Variants in RREB1 observed in about 807,000 individuals in gnomAD.
The protein encoded by RREB1 is ras-responsive element-binding protein 1.
A neutral mutation model predicts 117.8 loss-of-function variants in RREB1; 27 were observed. That is an observed-to-expected ratio of 0.23 (90% CI 0.17 to 0.32). The LOEUF (loss-of-function observed/expected upper bound fraction) is 0.32. Ranked by LOEUF, RREB1 falls within the 10% of genes least tolerant of loss-of-function variation. RREB1 has a pLI of 1.00. For synonymous variants in RREB1, 1,298 were observed against 1,026.7 expected, an observed-to-expected ratio of 1.26 and a Z score of -5.05; for missense variants, 2,577 against 2,378.2, an observed-to-expected ratio of 1.08 and a Z score of -1.74.
In RREB1 at chr6:7,224,615, G is replaced by A. The variant is rs370319352; in HGVS notation, c.708-1852G>A. Among the ~76,000 whole-genome samples, 17 of 152,294 alleles carry A rather than the reference G, an allele frequency of 1.1e-4. No homozygotes were observed. In the East Asian group the frequency reaches 2.9e-3, roughly 26 times the overall value. ...GTCCTCTCTGTGTGCACAGCTCAGA[G>A]CTTGAACGTATTTCAGCCAGAAAGA... On this transcript the variant is annotated intron_variant, in intron 8 of 12. Coordinates refer to ENST00000379938, the MANE Select transcript of RREB1 (RefSeq NM_001003699.4).
At chr6:7,189,657 T>C (rs956323533) in intron 6 of RREB1, among the ~76,000 whole-genome samples, 1 of 152,186 alleles carries the variant, frequency 6.6e-6, no homozygotes, top group African/African-American at 2.4e-5. Flanking sequence ...CACGTAACCC[T>C]GCCATTTAAA....
intron 7 of RREB1, 118 bp from the exon 8 acceptor site, chr6:7,211,455 G>A (rs1363682572): frequency 5.6e-6 from 5 of 886,724 alleles, no homozygotes; most frequent in Non-Finnish European, 9.0e-6. Context: ...AATCAGGATT[G>A]GATAATGCAA....
chr6:7,132,010 CACT>C, intron 1 of RREB1, among the ~76,000 whole-genome samples: 1 of 152,094 alleles, frequency 6.6e-6, no homozygotes, highest in East Asian at 1.9e-4. Flanking sequence ...AGGCACATGC[CACT>C]ACTCCCAGCT....
intron 1 of RREB1, among the ~76,000 whole-genome samples, chr6:7,122,863 G>T (rs1024094712): frequency 2.6e-5 from 4 of 152,016 alleles, no homozygotes; most frequent in African/African-American, 9.7e-5. Context: ...CCAAAATTGG[G>T]GGTGATAATA....
intron 6 of RREB1, among the ~76,000 whole-genome samples, chr6:7,201,174 CCCT>C (rs1165257844): frequency 6.6e-6 from 1 of 152,102 alleles, no homozygotes; most frequent in Non-Finnish European, 1.5e-5. Context: ...CCCACCATGC[CCCT>C]CGTCTGATGC....
At chr6:7,109,824 C>T (rs749826682) in intron 1 of RREB1, among the ~76,000 whole-genome samples, 28 of 152,096 alleles carry the variant, frequency 1.8e-4, no homozygotes, top group Non-Finnish European at 3.7e-4. Flanking sequence ...TTTGAGGATG[C>T]TCCTGCTGCT....
chr6:7,123,998 G>A (rs1360605714), intron 1 of RREB1, among the ~76,000 whole-genome samples: 1 of 152,146 alleles, frequency 6.6e-6, no homozygotes, highest in Non-Finnish European at 1.5e-5. Context: ...GCGGCATTGG[G>A]ATACATGGTA....
intron 10 of RREB1, among the ~76,000 whole-genome samples, chr6:7,239,156 G>C (rs1768525025): frequency 6.6e-6 from 1 of 152,222 alleles, no homozygotes; most frequent in Non-Finnish European, 1.5e-5. Flanking sequence ...TTAATCTAAC[G>C]CCAGAGGCCC....
chr6:7,147,593 A>G (rs1437969383), intron 1 of RREB1, among the ~76,000 whole-genome samples: 1 of 152,180 alleles, frequency 6.6e-6, no homozygotes, highest in Non-Finnish European at 1.5e-5. Context: ...GTGACAGTTA[A>G]TTGTACCATC....
At chr6:7,132,844 T>C (rs1253938725) in intron 1 of RREB1, among the ~76,000 whole-genome samples, 1 of 152,156 alleles carries the variant, frequency 6.6e-6, no homozygotes, top group Admixed American at 6.5e-5. Context: ...TTTGTTGTGG[T>C]TGGAGCTTCT....
intron 10 of RREB1, among the ~76,000 whole-genome samples, chr6:7,234,999 G>A (rs1394937384): frequency 6.6e-6 from 1 of 152,216 alleles, no homozygotes; most frequent in Non-Finnish European, 1.5e-5. Context: ...TGAGATAAGG[G>A]GGGACACCAC....
rs560579839 is a variant in RREB1, at chr6:7,113,303, T to A, written c.-285+5243T>A. Among the ~76,000 whole-genome samples the A allele has an allele frequency of 3.6e-3, 549 of 152,330 alleles. 5 individuals carry two copies. The highest frequency in any genetic ancestry group is 4.7e-3 in the Admixed American group (72 of 15,304). ...GGGGTAATTAGATAAAGCTTTTAAA[T>A]GCTCTATTTGTTTTTCTCTAGTTTG... On this transcript the variant is annotated intron_variant, in intron 1 of 12. Coordinates refer to ENST00000379938, the MANE Select transcript of RREB1 (RefSeq NM_001003699.4).
At chr6:7,237,070 A>G (rs1469773156) in intron 10 of RREB1, among the ~76,000 whole-genome samples, 4 of 151,390 alleles carry the variant, frequency 2.6e-5, no homozygotes, top group East Asian at 1.9e-4. Context: ...CTACAAGTGC[A>G]CATCACCATG....
At chr6:7,168,425 G>GTCT (rs1764060013) in intron 1 of RREB1, among the ~76,000 whole-genome samples, 1 of 152,186 alleles carries the variant, frequency 6.6e-6, no homozygotes, top group Non-Finnish European at 1.5e-5. Context: ...AGTCAGAAGA[G>GTCT]TCTTCTAACC....
At chr6:7,111,551 A>G in intron 1 of RREB1, among the ~76,000 whole-genome samples, 1 of 152,206 alleles carries the variant, frequency 6.6e-6, no homozygotes, top group East Asian at 1.9e-4. Flanking sequence ...GCTAAAATTA[A>G]CCAAAGCATT....
rs772132195 is a variant in RREB1 at position 7,247,069 on chromosome 6, C to A, written c.4619C>A (p.Ser1540Tyr). The A allele has an allele frequency of 6.2e-7, 1 of 1,613,610 alleles. No individual in the cohort carries two copies. The highest frequency in any genetic ancestry group is 8.5e-7 in the Non-Finnish European group (1 of 1,179,916). Residue 1540 changes from serine (S) to tyrosine (Y), a missense_variant, in exon 12 of 13, where the codon TCC (serine) becomes TAC (tyrosine). Coordinates refer to ENST00000379938, the MANE Select transcript of RREB1 (RefSeq NM_001003699.4). ...SDGESAAEKR[S>Y]SEKSDDDKKP... ...GGGGAGAGCGCGGCCGAGAAAAGGT[C>A]CTCAGAGAAGAGCGACGATGACAAG... is the stretch of plus-strand genomic sequence containing the variant.
At chr6:7,225,327 T>C (rs1767521955) in intron 8 of RREB1, among the ~76,000 whole-genome samples, 1 of 152,206 alleles carries the variant, frequency 6.6e-6, no homozygotes, top group Admixed American at 6.5e-5. Context: ...TGCTTCCCGA[T>C]GCAGTTGAGC....
In RREB1 at chr6:7,247,152, G is replaced by A; in HGVS notation, c.4702G>A (p.Val1568Ile). ...CAGCAAGGCAGACAAGAGGAAGAAG[G>A]TCTGCAGCGTGTGCAACAAGCGGTT... The part of the protein sequence containing the change: ...VASKADKRKK[V>I]CSVCNKRFWS... Residue 1568 changes from valine to isoleucine, a missense_variant, in exon 12 of 13, where the codon GTC becomes ATC. Physicochemically the swap from Val to Ile is conservative, Grantham distance 29. Coordinates refer to ENST00000379938, the MANE Select transcript of RREB1 (RefSeq NM_001003699.4). 2 of 1,613,946 alleles carry A rather than the reference G, an allele frequency of 1.2e-6. No homozygotes were observed. The highest frequency in any genetic ancestry group is 1.7e-6 in the Non-Finnish European group (2 of 1,180,012).
chr6:7,224,578 C>T (rs1767469790), intron 8 of RREB1, among the ~76,000 whole-genome samples: 1 of 152,038 alleles, frequency 6.6e-6, no homozygotes, highest in Non-Finnish European at 1.5e-5. Context: ...GTTGTTGCCT[C>T]CAAGGGTCAC....
Sources: allele counts gnomAD v4.1 joint callset (sites outside exome capture counted in the v4.1 genomes callset), GRCh38; gene constraint gnomAD v4.1.1; transcripts MANE v1.5; gene names NCBI Gene and HGNC (gene_info 2026-07-23, HGNC 2026-07-21).